RAVER2: variants seen among roughly 807,000 people sequenced by gnomAD.
RAVER2 encodes ribonucleoprotein PTB-binding 2.
A neutral mutation model predicts 78.1 loss-of-function variants in RAVER2; 46 were observed. That is an observed-to-expected ratio of 0.59 (90% CI 0.46 to 0.75). The LOEUF (loss-of-function observed/expected upper bound fraction) is 0.75, where lower values mean the gene tolerates loss of function less well. Among genes scored for constraint, RAVER2 ranks in the 30% least tolerant of loss-of-function variants. The probability of loss-of-function intolerance (pLI) is 0.00; values close to 1 mark genes in which losing one functional copy is unlikely to be tolerated. For synonymous variants in RAVER2, 311 were observed against 313.3 expected (o/e 0.99, Z 0.08); for missense variants, 793 against 837.5 (o/e 0.95, Z 0.66).
intron 1 of RAVER2, among the ~76,000 whole-genome samples, chr1:64,763,278 C>A (rs1652074413): frequency 6.6e-6 from 1 of 151,810 alleles, no homozygotes; most frequent in Non-Finnish European, 1.5e-5. Context: ...GCCTGGGCGA[C>A]AGAGCGAGAC....
rs752231367 is a variant in RAVER2, at chr1:64,812,747, A to G, written c.1690A>G (p.Lys564Glu). 3.1e-6 allele frequency: 5 copies of G among 1,610,396 alleles called. No individual in the cohort carries two copies. The South Asian group carries it at 5.5e-5, about 18-fold the overall frequency. The change falls in exon 10 of 12, where the codon AAG becomes GAG. Residue 564 changes from lysine (K) to glutamate (E), a missense_variant. Transcript: ENST00000294428. ...TGTTTTTGTTAAATAGGCTGCCTCT[A>G]AGAATCAAACTTCACTCTTGGGAGA...
intron 4 of RAVER2, among the ~76,000 whole-genome samples, chr1:64,785,664 C>T (rs1257628871): frequency 4.6e-5 from 7 of 152,012 alleles, no homozygotes; most frequent in African/African-American, 9.7e-5. Context: ...CCACCATGCC[C>T]GGCCAATTGT....
At chr1:64,785,559 G>A (rs1015895000) in intron 4 of RAVER2, among the ~76,000 whole-genome samples, 1 of 151,892 alleles carries the variant, frequency 6.6e-6, no homozygotes, top group African/African-American at 2.4e-5. Context: ...AGTAGAGACG[G>A]GGTTTCACCA....
chr1:64,811,128 CAAAAG>C (rs1340692976), intron 9 of RAVER2, among the ~76,000 whole-genome samples: 3 of 152,060 alleles, frequency 2.0e-5, no homozygotes, highest in African/African-American at 4.8e-5. Context: ...CATTCACAGT[CAAAAG>C]AAACGTAAAC....
At chr1:64,753,833 A>C (rs1029791455) in intron 1 of RAVER2, among the ~76,000 whole-genome samples, 1 of 151,960 alleles carries the variant, frequency 6.6e-6, no homozygotes, top group Non-Finnish European at 1.5e-5. Flanking sequence ...CTCATTTTTA[A>C]CTTATAACTT....
At chr1:64,811,803 G>A (rs1382216114) in intron 9 of RAVER2, among the ~76,000 whole-genome samples, 1 of 152,204 alleles carries the variant, frequency 6.6e-6, no homozygotes, top group Non-Finnish European at 1.5e-5. Context: ...ATTTTCCACT[G>A]TGTAGGGGGT....
chr1:64,787,714 G>A (rs1459731252), intron 4 of RAVER2, among the ~76,000 whole-genome samples: 2 of 152,180 alleles, frequency 1.3e-5, no homozygotes, highest in African/African-American at 2.4e-5. Flanking sequence ...TGTCACTGGG[G>A]TGATGCTGCT....
At chr1:64,746,804 C>T (rs1056293121) in intron 1 of RAVER2, among the ~76,000 whole-genome samples, 1 of 152,120 alleles carries the variant, frequency 6.6e-6, no homozygotes. Context: ...AGCAGCCTCC[C>T]CTGCCCATAC....
chr1:64,814,612 T>G, intron 10 of RAVER2, 92 bp from the exon 11 acceptor site: 1 of 690,390 alleles, frequency 1.4e-6, no homozygotes, highest in Non-Finnish European at 1.9e-6. Context: ...TAATATAACT[T>G]ATAATAAAAT....
At chr1:64,810,568 C>T (rs561157767) in intron 9 of RAVER2, among the ~76,000 whole-genome samples, 3 of 152,196 alleles carry the variant, frequency 2.0e-5, no homozygotes, top group Non-Finnish European at 2.9e-5. Context: ...AGCATTTCAA[C>T]ATATGAATTC....
At chr1:64,773,799 A>C (rs1164439597) in intron 2 of RAVER2, among the ~76,000 whole-genome samples, 1 of 152,256 alleles carries the variant, frequency 6.6e-6, no homozygotes, top group Non-Finnish European at 1.5e-5. Flanking sequence ...TCCCACCAAC[A>C]GTGTAAAAGC....
At chr1:64,829,706 CA>C (rs1341710659) in intron 11 of RAVER2, among the ~76,000 whole-genome samples, 1 of 152,180 alleles carries the variant, frequency 6.6e-6, no homozygotes, top group East Asian at 1.9e-4. Context: ...AAACCCCAGA[CA>C]TACTTTACTA....
rs566137221 is a variant in RAVER2 at position 64,782,341 on chromosome 1, T to C, written c.978+770T>C. Among the ~76,000 whole-genome samples, 6 of 152,368 alleles carry C rather than the reference T, an allele frequency of 3.9e-5. No homozygotes were observed. The South Asian group carries it at 1.2e-3, about 32-fold the overall frequency. On this transcript the variant is annotated intron_variant, in intron 4 of 11. Coordinates refer to ENST00000294428, the Ensembl canonical transcript of RAVER2. Reference sequence around the variant, plus strand: ...CTTTAGCCTGGAGGATCCTTGGAGATGGAGACTATACCTTCTTCACAGTTT... The same window carrying C: ...CTTTAGCCTGGAGGATCCTTGGAGACGGAGACTATACCTTCTTCACAGTTT...
intron 1 of RAVER2, among the ~76,000 whole-genome samples, chr1:64,750,850 CAG>C (rs1177648509): frequency 1.3e-5 from 2 of 152,158 alleles, no homozygotes; most frequent in Non-Finnish European, 2.9e-5. Context: ...TGCAATTAAA[CAG>C]AATTGAATTA....
chr1:64,788,426 C>A lies in RAVER2; in HGVS notation c.979-962C>A, dbSNP rs559694597. ...GGCAAAGCTTGCAGTGAGCCGAGAT[C>A]GCGCCACTGCACTCCAGCCTGGGCA... On this transcript the variant is annotated intron_variant, in intron 4 of 11. Transcript: ENST00000294428. 8.6e-5 allele frequency among the ~76,000 whole-genome samples: 13 copies of A among 151,726 alleles called. No individual in the cohort carries two copies. In the East Asian group the frequency reaches 2.3e-3, roughly 27 times the overall value.
At chr1:64,747,860 A>G (rs530542934) in intron 1 of RAVER2, among the ~76,000 whole-genome samples, 21 of 152,322 alleles carry the variant, frequency 1.4e-4, no homozygotes, top group African/African-American at 5.1e-4. Flanking sequence ...AAAGACATTC[A>G]TAACTCTAGT....
chr1:64,831,545 A>T (rs1042340023), exon 12 of RAVER2: 3 of 152,238 alleles, frequency 2.0e-5, no homozygotes, highest in African/African-American at 7.2e-5. Context: ...CCGGTAAGAG[A>T]GTGACAGTGA....
At chr1:64,800,500 G>A (rs1171267308) in intron 5 of RAVER2, among the ~76,000 whole-genome samples, 3 of 152,092 alleles carry the variant, frequency 2.0e-5, no homozygotes, top group Non-Finnish European at 4.4e-5. Context: ...TCATTCTTTT[G>A]CATATGAATA....
intron 1 of RAVER2, among the ~76,000 whole-genome samples, chr1:64,746,622 T>C (rs181748477): frequency 1.2e-4 from 19 of 152,346 alleles, no homozygotes; most frequent in Non-Finnish European, 1.8e-4. Flanking sequence ...TATAACCTTA[T>C]AACCCGTAGG....
Sources: gnomAD v4.1 joint callset for allele counts (sites outside exome capture counted in the v4.1 genomes callset) on GRCh38, gnomAD v4.1.1 for gene constraint, MANE v1.5 for transcripts, NCBI Gene and HGNC (gene_info 2026-07-23, HGNC 2026-07-21) for gene names.